The following CNTN4 variants were observed in gnomAD, a reference collection of about 807,000 sequenced individuals.
CNTN4 encodes the protein contactin 4.
In CNTN4, 77 loss-of-function variants were observed where a neutral mutation model predicts 122.5. That is an observed-to-expected ratio of 0.63 (90% CI 0.52 to 0.76). The LOEUF (loss-of-function observed/expected upper bound fraction) is 0.76. CNTN4 is among the 30% of genes least tolerant of loss of function. The pLI, the probability that CNTN4 is intolerant of heterozygous loss-of-function variation, is 0.00. For synonymous variants in CNTN4, 512 were observed against 447.0 expected, an observed-to-expected ratio of 1.15 and a Z score of -1.83; for missense variants, 1,256 against 1,259.1, an observed-to-expected ratio of 1.00 and a Z score of 0.04.
chr3:2,510,150 C>A (rs1330381382), intron 3 of CNTN4, among the ~76,000 whole-genome samples: 1 of 152,140 alleles, frequency 6.6e-6, no homozygotes, highest in Non-Finnish European at 1.5e-5. Context: ...CCTCCATCCC[C>A]AAATTTTTGC....
chr3:2,407,678 A>C (rs1447789451), intron 3 of CNTN4, among the ~76,000 whole-genome samples: 1 of 152,188 alleles, frequency 6.6e-6, no homozygotes, highest in Non-Finnish European at 1.5e-5. Context: ...AGGTGGAAAT[A>C]GCACTGTATG....
Position 2,780,402 on chromosome 3 carries a change from G to C in CNTN4, c.358+34705G>C, listed in dbSNP as rs1212827928. ...AAAACATGTTTAAAATCTCTAAAAG[G>C]CTCTGGATCTTCCAACTCTCAATAT... On this transcript the variant is annotated intron_variant, in intron 6 of 24. Coordinates refer to ENST00000418658, the MANE Select transcript of CNTN4 (RefSeq NM_175607.3). 3.3e-5 allele frequency among the ~76,000 whole-genome samples: 5 copies of C among 152,028 alleles called. No homozygotes were observed. The East Asian group carries it at 9.6e-4, about 29-fold the overall frequency.
chr3:2,972,838 C>T (rs1693061404), intron 13 of CNTN4, among the ~76,000 whole-genome samples: 1 of 150,966 alleles, frequency 6.6e-6, no homozygotes, highest in Non-Finnish European at 1.5e-5. Flanking sequence ...TTATCAAATT[C>T]CCTTTATCAC....
rs560179965 is a variant in CNTN4 at position 2,627,582 on chromosome 3, C to T, written c.55+56024C>T. On this transcript the variant is annotated intron_variant, in intron 4 of 24. Transcript: ENST00000418658. ...AATCTCGGCTCACTGCAAGCTCCGC[C>T]TCCTGGGTTCAGGCCATTCTCCTGC... Among the ~76,000 whole-genome samples the T allele has an allele frequency of 1.5e-4, 23 of 151,494 alleles. No homozygotes were observed. The East Asian group carries it at 3.7e-3, about 25-fold the overall frequency.
At chr3:2,849,041 T>C (rs1456772810) in intron 7 of CNTN4, among the ~76,000 whole-genome samples, 1 of 152,214 alleles carries the variant, frequency 6.6e-6, no homozygotes, top group African/African-American at 2.4e-5. Flanking sequence ...CATCTTATTG[T>C]AAAGTAGGGT....
At chr3:2,411,483 C>G (rs916983924) in intron 3 of CNTN4, among the ~76,000 whole-genome samples, 6 of 152,136 alleles carry the variant, frequency 3.9e-5, no homozygotes, top group African/African-American at 1.2e-4. Flanking sequence ...AAAAAGTAGA[C>G]TATTGATATA....
intron 12 of CNTN4, among the ~76,000 whole-genome samples, chr3:2,911,468 TAGG>T (rs892083960): frequency 6.6e-6 from 1 of 152,182 alleles, no homozygotes. Flanking sequence ...CTGCAAAGAC[TAGG>T]AGAAGTGTCT....
rs766850583 is a variant in CNTN4 at position 3,043,699 on chromosome 3, T to C, written c.2806T>C (p.Tyr936His). 2 of 1,607,674 alleles carry C rather than the reference T, an allele frequency of 1.2e-6. No individual in the cohort carries two copies. Among genetic ancestry groups the C allele is most frequent in the Admixed American group, 1.7e-5 (1 of 59,998 alleles). Residue 936 changes from tyrosine (Y) to histidine (H), a missense_variant, in exon 23 of 25, where the codon TAC becomes CAC. Transcript: ENST00000418658. ...GGATAATGAGTCGGAAGTAAAAGGA[T>C]ACAAAGTAGGTAATTTCTTTTTTGC... Reference protein sequence around the residue: ...ALDNESEVKGYKVLYRWNRQS... With the variant: ...ALDNESEVKGHKVLYRWNRQS...
intron 3 of CNTN4, among the ~76,000 whole-genome samples, chr3:2,532,980 C>T (rs1158771891): frequency 1.3e-5 from 2 of 152,036 alleles, no homozygotes; most frequent in Non-Finnish European, 2.9e-5. Flanking sequence ...GAGAACCATC[C>T]TTGATCATTG....
chr3:2,224,244 C>T (rs150216401), intron 2 of CNTN4, among the ~76,000 whole-genome samples: 12 of 152,220 alleles, frequency 7.9e-5, no homozygotes, highest in Non-Finnish European at 1.3e-4. Context: ...GTCATATTTT[C>T]GGGTGGTGTG....
intron 4 of CNTN4, among the ~76,000 whole-genome samples, chr3:2,683,178 T>A (rs2085252534): frequency 6.6e-6 from 1 of 152,096 alleles, no homozygotes. Flanking sequence ...CTTTGCAGAC[T>A]TGGGTATAGT....
At chr3:2,733,111 G>C (rs1180871761) in intron 4 of CNTN4, among the ~76,000 whole-genome samples, 1 of 152,164 alleles carries the variant, frequency 6.6e-6, no homozygotes, top group African/African-American at 2.4e-5. Context: ...CAGTCTCTCA[G>C]CTGCATCCTG....
Position 2,778,168 on chromosome 3 carries a change from C to G in CNTN4, c.358+32471C>G, listed in dbSNP as rs567782190. Among the ~76,000 whole-genome samples, 15 of 140,218 alleles carry G rather than the reference C, an allele frequency of 1.1e-4. 3 individuals carry two copies. Among genetic ancestry groups the G allele is most frequent in the South Asian group, 5.0e-4 (2 of 4,026 alleles). The allele number at this position is 140,218 out of a possible 152,430, so 92.0% of individuals were successfully genotyped here. A position where few individuals can be genotyped will look rare whatever the true frequency, so the allele number is the denominator to read the frequency against. On this transcript the variant is annotated intron_variant, in intron 6 of 24. Transcript: ENST00000418658. ...AGCGGAGCTTGTGGTGAGCCGAGAT[C>G]GCGCCACTGCACTCCAGCCTGGGCG... is the stretch of plus-strand genomic sequence containing the variant.
intron 3 of CNTN4, among the ~76,000 whole-genome samples, chr3:2,526,706 A>C (rs2077409402): frequency 6.6e-6 from 1 of 152,094 alleles, no homozygotes; most frequent in Admixed American, 6.6e-5. Flanking sequence ...ATATACCACT[A>C]ATATTTTGAT....
At chr3:2,524,439 T>C (rs2077328458) in intron 3 of CNTN4, among the ~76,000 whole-genome samples, 1 of 152,156 alleles carries the variant, frequency 6.6e-6, no homozygotes, top group African/African-American at 2.4e-5. Context: ...ACAGTGACCC[T>C]ATGAATAATC....
At position 2,638,492 on chromosome 3, in the gene CNTN4, C is replaced by G. The variant is rs1426935560; in HGVS notation, c.55+66934C>G. Among the ~76,000 whole-genome samples, 4 of 147,408 alleles carry G rather than the reference C, an allele frequency of 2.7e-5. No homozygotes were observed. In the East Asian group the frequency reaches 8.0e-4, roughly 29 times the overall value. On this transcript the variant is annotated intron_variant, in intron 4 of 24. Coordinates refer to ENST00000418658, the MANE Select transcript of CNTN4 (RefSeq NM_175607.3). ...ATTTCTGTAATGAAGAAACATTTAT[C>G]TTTTTTTTTTTACTTTCTGACACAC...
chr3:2,120,462 G>C (rs2033695958), intron 2 of CNTN4, among the ~76,000 whole-genome samples: 1 of 141,186 alleles, frequency 7.1e-6, no homozygotes, highest in African/African-American at 2.7e-5. Context: ...GGAATGCAGT[G>C]GCATGGTCTC....
chr3:2,536,075 G>A (rs2077792325), intron 3 of CNTN4, among the ~76,000 whole-genome samples: 1 of 152,082 alleles, frequency 6.6e-6, no homozygotes, highest in Admixed American at 6.6e-5. Context: ...CCACCATGTT[G>A]CATTTAAAAC....
chr3:2,506,550 G>C (rs77617902), intron 3 of CNTN4, among the ~76,000 whole-genome samples: 138 of 152,318 alleles, frequency 9.1e-4, no homozygotes, highest in Middle Eastern at 3.4e-3. Context: ...ATAAATATTT[G>C]TTGAATGAGT....
Sources: gnomAD v4.1 joint callset for allele counts (sites outside exome capture counted in the v4.1 genomes callset) on GRCh38, gnomAD v4.1.1 for gene constraint, MANE v1.5 for transcripts, NCBI Gene and HGNC (gene_info 2026-07-23, HGNC 2026-07-21) for gene names.